Variants in HYCC1 observed in about 807,000 individuals in gnomAD.
HYCC1 encodes the protein hyccin PI4KA lipid kinase complex subunit 1.
chr7:22,989,284 A>AC, the HYCC1 span, among the ~76,000 whole-genome samples: 3 of 90,394 alleles, frequency 3.3e-5, no homozygotes, highest in Non-Finnish European at 6.6e-5. Flanking sequence ...CACAAGCAGG[A>AC]AACACACACA....
chr7:22,911,937 G>C, the HYCC1 span, among the ~76,000 whole-genome samples: 2 of 152,158 alleles, frequency 1.3e-5, no homozygotes, highest in Admixed American at 1.3e-4. Flanking sequence ...AGAGACAAAT[G>C]TGTTTGAAGC....
chr7:23,005,428 T>C, the HYCC1 span, among the ~76,000 whole-genome samples: 1 of 152,136 alleles, frequency 6.6e-6, no homozygotes, highest in African/African-American at 2.4e-5. Flanking sequence ...ATATTAATCA[T>C]TTGGACAATT....
At chr7:22,956,349 AATTTT>A in the HYCC1 span, among the ~76,000 whole-genome samples, 1 of 151,926 alleles carries the variant, frequency 6.6e-6, no homozygotes, top group Non-Finnish European at 1.5e-5. Context: ...TCTACACTGT[AATTTT>A]ATTTCCCAAA....
the HYCC1 span, among the ~76,000 whole-genome samples, chr7:22,907,245 A>C: frequency 6.6e-6 from 1 of 151,676 alleles, no homozygotes; most frequent in Non-Finnish European, 1.5e-5. Context: ...CTCCTTACTT[A>C]GTTCAACTAA....
At chr7:22,917,411 G>A in the HYCC1 span, among the ~76,000 whole-genome samples, 1 of 152,172 alleles carries the variant, frequency 6.6e-6, no homozygotes, top group Non-Finnish European at 1.5e-5. Flanking sequence ...TGTTCCATCT[G>A]CTATTCTACG....
At chr7:23,014,095 C>G in the HYCC1 span, 5 of 470,304 alleles carry the variant, frequency 1.1e-5, no homozygotes, top group Admixed American at 4.7e-5. Flanking sequence ...GACTGACAAC[C>G]CAGCCGGGAG....
At chr7:23,013,948 C>T in the HYCC1 span, 1 of 470,500 alleles carries the variant, frequency 2.1e-6, no homozygotes, top group African/African-American at 2.0e-5. Flanking sequence ...GGAGCTCCAC[C>T]TGCAGGACCT....
the HYCC1 span, chr7:22,945,819 C>T: frequency 1.2e-5 from 20 of 1,613,784 alleles, no homozygotes; most frequent in South Asian, 1.1e-4. Context: ...ACAGTCGCTG[C>T]GGTCTTAGCC....
chr7:22,959,167 A>G, the HYCC1 span, among the ~76,000 whole-genome samples: 2 of 152,254 alleles, frequency 1.3e-5, no homozygotes, highest in Non-Finnish European at 2.9e-5. Flanking sequence ...ATACTTTCCT[A>G]TGGAACTTTC....
the HYCC1 span, among the ~76,000 whole-genome samples, chr7:22,953,461 G>C: frequency 6.6e-6 from 1 of 151,934 alleles, no homozygotes; most frequent in Non-Finnish European, 1.5e-5. Flanking sequence ...TGCCTCATGA[G>C]ACCAATAATT....
At chr7:22,962,691 G>C in the HYCC1 span, among the ~76,000 whole-genome samples, 1 of 151,982 alleles carries the variant, frequency 6.6e-6, no homozygotes, top group African/African-American at 2.4e-5. Context: ...GCGGGGACAT[G>C]GGATCAGCCT....
chr7:22,930,867 GAATA>G, the HYCC1 span, among the ~76,000 whole-genome samples: 1 of 152,148 alleles, frequency 6.6e-6, no homozygotes, highest in African/African-American at 2.4e-5. Flanking sequence ...CATATTAATA[GAATA>G]AATGACAAAA....
the HYCC1 span, among the ~76,000 whole-genome samples, chr7:22,984,364 C>G: frequency 6.6e-6 from 1 of 152,162 alleles, no homozygotes; most frequent in African/African-American, 2.4e-5. Flanking sequence ...ACTTTATCCT[C>G]TTATCAACAA....
chr7:22,991,264 T>G, the HYCC1 span: 1 of 618,454 alleles, frequency 1.6e-6, no homozygotes, highest in South Asian at 2.2e-5. Flanking sequence ...AAACATAAAT[T>G]ACTAAATTCA....
the HYCC1 span, among the ~76,000 whole-genome samples, chr7:22,904,943 G>A: frequency 6.6e-6 from 1 of 151,994 alleles, no homozygotes; most frequent in Non-Finnish European, 1.5e-5. Context: ...GAAGCATGGT[G>A]CTGGCATCCA....
At chr7:22,963,851 A>T in the HYCC1 span, among the ~76,000 whole-genome samples, 7 of 152,238 alleles carry the variant, frequency 4.6e-5, no homozygotes, top group Non-Finnish European at 1.0e-4. Context: ...GAAAATTAAA[A>T]GTATCAAGTG....
At chr7:22,964,135 A>G in the HYCC1 span, among the ~76,000 whole-genome samples, 4 of 152,038 alleles carry the variant, frequency 2.6e-5, no homozygotes, top group Admixed American at 1.3e-4. Context: ...GAAAGGGACC[A>G]TGAATATATT....
the HYCC1 span, chr7:22,937,559 T>G: frequency 6.6e-6 from 1 of 152,220 alleles, no homozygotes; most frequent in Non-Finnish European, 1.5e-5. Context: ...AACCTTCATT[T>G]TCATCTCCAT....
At chr7:22,933,710 A>T in the HYCC1 span, among the ~76,000 whole-genome samples, 1 of 152,186 alleles carries the variant, frequency 6.6e-6, no homozygotes, top group Admixed American at 6.6e-5. Flanking sequence ...TGGAATTTTG[A>T]ATTTTTAAAA....
Sources: allele counts gnomAD v4.1 joint callset (sites outside exome capture counted in the v4.1 genomes callset), GRCh38; gene constraint gnomAD v4.1.1; transcripts MANE v1.5; gene names NCBI Gene and HGNC (gene_info 2026-07-23, HGNC 2026-07-21).